SLC2A11: variants seen among roughly 807,000 people sequenced by gnomAD.
SLC2A11 encodes the protein solute carrier family 2 member 11, also known as solute carrier family 2, facilitated glucose transporter member 11.
A neutral mutation model predicts 52.1 loss-of-function variants in SLC2A11; 43 were observed. The ratio of observed to expected loss-of-function variants is 0.82; its 90% CI spans 0.65 to 1.06. The LOEUF (loss-of-function observed/expected upper bound fraction) is 1.06. Ranked by LOEUF, SLC2A11 falls within the 50% of genes least tolerant of loss-of-function variation. The probability of loss-of-function intolerance (pLI) is 0.00; values close to 1 mark genes in which losing one functional copy is unlikely to be tolerated. For synonymous variants in SLC2A11, 261 were observed against 277.6 expected, an observed-to-expected ratio of 0.94 and a Z score of 0.59; for missense variants, 582 against 654.2, an observed-to-expected ratio of 0.89 and a Z score of 1.20.
intron 4 of SLC2A11, among the ~76,000 whole-genome samples, chr22:23,876,605 G>A (rs891293291): frequency 6.6e-6 from 1 of 152,146 alleles, no homozygotes; most frequent in Admixed American, 6.5e-5. Flanking sequence ...GGGAGCCAGG[G>A]TGAGGTGAGA....
Position 23,875,006 on chromosome 22 carries a change from T to A in SLC2A11, c.291-111T>A, listed in dbSNP as rs2032570387. On this transcript the variant is annotated intron_variant, in intron 3 of 11. Transcript: ENST00000316185. Reference sequence around the variant, plus strand: ...GTAGTTAATGGCATACTACATACATTTGTGTGTGTGTCTAATTAAGGCTTG... The same window carrying A: ...GTAGTTAATGGCATACTACATACATATGTGTGTGTGTCTAATTAAGGCTTG... 11 of 1,247,720 alleles carry A rather than the reference T, an allele frequency of 8.8e-6. No individual in the cohort carries two copies. In the South Asian group the frequency reaches 2.7e-4, roughly 30 times the overall value. 77.3% of individuals were successfully genotyped at this position (1,247,720 alleles called of 1,614,324 possible).
chr22:23,879,079 C>G (rs976794452), intron 6 of SLC2A11, among the ~76,000 whole-genome samples: 3 of 152,244 alleles, frequency 2.0e-5, no homozygotes, highest in East Asian at 3.9e-4. Context: ...ATTCTTTGTT[C>G]AAGTTCCAGC....
chr22:23,882,251 AACAC>A (rs372923491), intron 6 of SLC2A11: 44 of 546,664 alleles, frequency 8.0e-5, no homozygotes, highest in East Asian at 2.5e-4. Context: ...CAGAGAGAGA[AACAC>A]ACACACACAC....
intron 2 of SLC2A11, chr22:23,867,949 A>C: frequency 6.0e-6 from 2 of 332,240 alleles, no homozygotes; most frequent in South Asian, 4.9e-5. Flanking sequence ...GCAAATTATC[A>C]AACCCACAGA....
chr22:23,868,819 T>C (rs1248648658), intron 3 of SLC2A11, 178 bp downstream of exon 3: 7 of 687,460 alleles, frequency 1.0e-5, no homozygotes, highest in South Asian at 2.0e-5. Context: ...AAGGGTTTGG[T>C]AGAGCAAACA....
At chr22:23,857,007 G>A (rs778100844), upstream of SLC2A11, 1 of 1,585,276 alleles carries the variant, frequency 6.3e-7, no homozygotes, top group South Asian at 1.1e-5. Context: ...TCTATCTTTC[G>A]GTCTTTCCTA....
chr22:23,862,114 G>C lies in SLC2A11; in HGVS notation c.41G>C (p.Arg14Thr). The C allele has an allele frequency of 1.2e-6, 2 of 1,614,182 alleles. No individual in the cohort carries two copies. Among genetic ancestry groups the C allele is most frequent in the Non-Finnish European group, 1.7e-6 (2 of 1,180,018 alleles). The change falls in exon 2 of 12, where the codon AGG becomes ACG. Residue 14 changes from arginine (R) to threonine (T), a missense_variant. Coordinates refer to ENST00000316185, the MANE Select transcript of SLC2A11 (RefSeq NM_001024939.4). ...ALLRSRMIQG[R>T]ILLLTICAAG... is the part of the protein sequence containing the mutation. ...CTCCTCTCTCCTCAGATTCAGGGCA[G>C]GATCCTGCTCCTGACCATCTGCGCT...
intron 4 of SLC2A11, among the ~76,000 whole-genome samples, chr22:23,875,487 A>G (rs1437795435): frequency 6.6e-6 from 1 of 152,226 alleles, no homozygotes; most frequent in Non-Finnish European, 1.5e-5. Context: ...AGCATCTCCA[A>G]ACTTAACACT....
chr22:23,876,901 G>A (rs2032629224), intron 4 of SLC2A11, 141 bp from the exon 5 acceptor site: 2 of 1,320,976 alleles, frequency 1.5e-6, no homozygotes, highest in Admixed American at 1.9e-5. Flanking sequence ...CCTGAGTGTG[G>A]GGGGTGAGGG....
chr22:23,857,173 G>T (rs2031863689), upstream of SLC2A11: 3 of 894,082 alleles, frequency 3.4e-6, no homozygotes, highest in Admixed American at 2.4e-5. Context: ...AGGTTCTGGC[G>T]GCCGGCAGTG....
chr22:23,868,686 C>T lies in SLC2A11; in HGVS notation c.290+45C>T, dbSNP rs377421539. On this transcript the variant is annotated intron_variant, in intron 3 of 11. Coordinates refer to ENST00000316185, the MANE Select transcript of SLC2A11 (RefSeq NM_001024939.4). ...CCCCTGAATGCCCTTTAATGAGGAG[C>T]GCTGCAGCCTGCAGGCTGAGGAATG... is the stretch of plus-strand genomic sequence containing the variant. The T allele has an allele frequency of 4.2e-5, 67 of 1,603,704 alleles. No homozygotes were observed. The South Asian group carries it at 6.0e-4, about 14-fold the overall frequency.
Position 23,884,716 on chromosome 22 carries a change from G to A in SLC2A11, c.1367G>A (p.Gly456Asp). The A allele has an allele frequency of 1.2e-6, 2 of 1,614,110 alleles. No homozygotes were observed. The highest frequency in any genetic ancestry group is 1.7e-6 in the Non-Finnish European group (2 of 1,180,024). The part of the protein sequence containing the change: ...GVCVCGAIYT[G>D]LFLPETKGKT... ...TGTGTCTGTGGGGCCATCTACACTG[G>A]CCTGTTCCTTCCTGAGACCAAAGGC... The change falls in exon 12 of 12, where the codon GGC (glycine) becomes GAC (aspartate). Residue 456 changes from glycine to aspartate, a missense_variant. Transcript: ENST00000316185. This position sits in a 1 kb window ranked among gnomAD's most constrained non-coding sequence, Gnocchi z 4.3.
intron 1 of SLC2A11, among the ~76,000 whole-genome samples, chr22:23,858,975 C>T (rs2031957924): frequency 6.6e-6 from 1 of 152,154 alleles, no homozygotes; most frequent in African/African-American, 2.4e-5. Context: ...AATTAATGGT[C>T]CCTATCGTAG....
At chr22:23,857,867 G>T, upstream of SLC2A11, 13 of 1,534,452 alleles carry the variant, frequency 8.5e-6, no homozygotes, top group Non-Finnish European at 1.1e-5. Flanking sequence ...CTGCGCGTGC[G>T]CTAGCGCCTC....
Position 23,882,818 on chromosome 22 carries a change from G to A in SLC2A11, c.942G>A (p.Gln314=). The part of the protein sequence containing the change: ...RKAGVPEAKI[Q]YAIIGTGSCE... ...CAGGAGTGCCGGAAGCGAAGATCCA[G>A]TACGCGATCATCGGGACTGGGAGCT... Residue 314 remains glutamine (Q), a synonymous_variant, in exon 8 of 12, where the codon CAG becomes CAA. Transcript: ENST00000316185. The A allele has an allele frequency of 6.2e-7, 1 of 1,613,926 alleles. No homozygotes were observed. Among genetic ancestry groups the A allele is most frequent in the African/African-American group, 1.3e-5 (1 of 75,044 alleles).
At chr22:23,882,103 G>A (rs1443100968) in intron 6 of SLC2A11, 2 of 374,748 alleles carry the variant, frequency 5.3e-6, no homozygotes, top group Admixed American at 4.5e-5. Context: ...CAGAGACAGA[G>A]AGATTGAGAA....
chr22:23,882,575 C>T lies in SLC2A11; in HGVS notation c.811C>T (p.Arg271Trp), dbSNP rs775659722. Residue 271 changes from arginine (R) to tryptophan (W), a missense_variant, in exon 7 of 12, where the codon CGG becomes TGG. Physicochemically the swap from Arg to Trp is moderately radical, Grantham distance 101. Coordinates refer to ENST00000316185, the MANE Select transcript of SLC2A11 (RefSeq NM_001024939.4). Reference sequence around the variant, plus strand: ...GCGCCCATGGGAGCTGTTCCAGCATCGGGCCCTGAGGAGACAGGTGACAAG... The same window carrying T: ...GCGCCCATGGGAGCTGTTCCAGCATTGGGCCCTGAGGAGACAGGTGACAAG... ...ARRPWELFQH[R>W]ALRRQVTSLV... is the part of the protein sequence containing the mutation. 22 of 1,612,946 alleles carry T rather than the reference C, an allele frequency of 1.4e-5. No homozygotes were observed. Among genetic ancestry groups the T allele is most frequent in the South Asian group, 7.7e-5 (7 of 90,986 alleles).
At chr22:23,868,405 T>C in intron 2 of SLC2A11, 76 bp from the exon 3 acceptor site, 7 of 1,557,836 alleles carry the variant, frequency 4.5e-6, no homozygotes, top group Non-Finnish European at 5.3e-6. Context: ...TGGAGCCCTG[T>C]TGGGGAGAAG....
intron 5 of SLC2A11, 155 bp from the exon 6 acceptor site, chr22:23,877,566 G>A: frequency 2.0e-6 from 2 of 1,017,578 alleles, no homozygotes; most frequent in Non-Finnish European, 3.0e-6. Flanking sequence ...CAACCTGGGT[G>A]GGAGGGATCT....
Sources: allele counts gnomAD v4.1 joint callset (sites outside exome capture counted in the v4.1 genomes callset), GRCh38; gene constraint gnomAD v4.1.1; non-coding constraint Gnocchi (gnomAD v3.1); transcripts MANE v1.5; gene names NCBI Gene and HGNC (gene_info 2026-07-23, HGNC 2026-07-21).